The following FAM117A variants were observed in gnomAD, a reference collection of about 807,000 sequenced individuals.
FAM117A encodes family with sequence similarity 117 member A.
In FAM117A, 21 loss-of-function variants were observed where a neutral mutation model predicts 44.1. The ratio of observed to expected loss-of-function variants is 0.48; its 90% CI spans 0.34 to 0.69. FAM117A has a LOEUF of 0.69. FAM117A is among the 30% of genes least tolerant of loss of function. FAM117A has a pLI of 0.01. For missense variants in FAM117A, 498 were observed against 589.9 expected, an observed-to-expected ratio of 0.84 and a Z score of 1.61; for synonymous variants, 220 against 238.3, an observed-to-expected ratio of 0.92 and a Z score of 0.71.
At chr17:49,761,943 T>C (rs1327105170) in intron 1 of FAM117A, among the ~76,000 whole-genome samples, 1 of 152,214 alleles carries the variant, frequency 6.6e-6, no homozygotes, top group Non-Finnish European at 1.5e-5. Flanking sequence ...GGTGGACAAA[T>C]TATTGATCAG....
At chr17:49,731,133 A>T (rs2073582876) in intron 2 of FAM117A, among the ~76,000 whole-genome samples, 1 of 152,256 alleles carries the variant, frequency 6.6e-6, no homozygotes, top group Non-Finnish European at 1.5e-5. Context: ...AACTGACATG[A>T]TGTGGTCAGA....
At chr17:49,735,041 T>C (rs1308632044) in intron 1 of FAM117A, among the ~76,000 whole-genome samples, 2 of 152,164 alleles carry the variant, frequency 1.3e-5, no homozygotes, top group Non-Finnish European at 2.9e-5. Flanking sequence ...GTTTAATGGA[T>C]ACACAGTCTC....
chr17:49,728,321 A>T (rs1385535206), intron 2 of FAM117A, among the ~76,000 whole-genome samples: 1 of 152,138 alleles, frequency 6.6e-6, no homozygotes. Context: ...GGTAGGGGAA[A>T]GACACAGGAA....
At chr17:49,768,950 T>C (rs1337736471), upstream of FAM117A, among the ~76,000 whole-genome samples, 2 of 152,214 alleles carry the variant, frequency 1.3e-5, no homozygotes, top group East Asian at 3.8e-4. Flanking sequence ...TTCAGTCTCC[T>C]TTTGCTCTCA....
intron 2 of FAM117A, among the ~76,000 whole-genome samples, chr17:49,725,981 T>C (rs1322906267): frequency 1.3e-5 from 2 of 152,054 alleles, no homozygotes; most frequent in African/African-American, 2.4e-5. Flanking sequence ...CACCAGAAGC[T>C]AGAAGTGCAG....
At chr17:49,727,150 C>T (rs945763172) in intron 2 of FAM117A, among the ~76,000 whole-genome samples, 1 of 152,034 alleles carries the variant, frequency 6.6e-6, no homozygotes, top group African/African-American at 2.4e-5. Flanking sequence ...CCTGTAATCC[C>T]AGCACTTTGG....
Position 49,711,540 on chromosome 17 carries a change from G to A in FAM117A, c.1077C>T (p.Asp359=). 6.2e-7 allele frequency: 1 copy of A among 1,613,972 alleles called. No homozygotes were observed. The highest frequency in any genetic ancestry group is 8.5e-7 in the Non-Finnish European group (1 of 1,180,016). ...VFEEATSPGP[D]LAFLTSCPDK... ...CAGGACAGGAAGTCAGGAAGGCCAG[G>A]TCAGGACCTGGAGACCTGGAGGATG... is the stretch of plus-strand genomic sequence containing the variant. Residue 359 remains aspartate, a synonymous_variant, in exon 8 of 8, where the codon GAC becomes GAT. Transcript: ENST00000240364.
At chr17:49,786,590 A>G (rs2073806559) in intron 1 of FAM117A, among the ~76,000 whole-genome samples, 1 of 152,018 alleles carries the variant, frequency 6.6e-6, no homozygotes, top group African/African-American at 2.4e-5. Context: ...CAACCTGACC[A>G]ACATGGAGAA....
chr17:49,742,484 G>A (rs2073638722), intron 1 of FAM117A, among the ~76,000 whole-genome samples: 1 of 152,220 alleles, frequency 6.6e-6, no homozygotes, highest in African/African-American at 2.4e-5. Flanking sequence ...AGAAGAAAAG[G>A]AAGTGGTGTG....
At chr17:49,721,015 A>T (rs866603609) in intron 3 of FAM117A, among the ~76,000 whole-genome samples, 1 of 152,048 alleles carries the variant, frequency 6.6e-6, no homozygotes, top group African/African-American at 2.4e-5. Flanking sequence ...GTCTGGCCCT[A>T]CCCCTCTATA....
intron 6 of FAM117A, among the ~76,000 whole-genome samples, 164 bp from the exon 7 acceptor site, chr17:49,716,479 G>C (rs541430931): frequency 5.3e-5 from 8 of 152,286 alleles, no homozygotes; most frequent in Admixed American, 4.6e-4. Context: ...AAAAACCTTT[G>C]AGGCAGCTTA....
At chr17:49,766,229 T>C (rs184420113), upstream of FAM117A, among the ~76,000 whole-genome samples, 1 of 152,266 alleles carries the variant, frequency 6.6e-6, no homozygotes, top group East Asian at 1.9e-4. Context: ...TCTCTATGAG[T>C]GTAAAATTTT....
intron 1 of FAM117A, among the ~76,000 whole-genome samples, chr17:49,763,123 TACACACACACACAC>T (rs10603200): frequency 2.1e-4 from 29 of 141,068 alleles, no homozygotes; most frequent in East Asian, 8.5e-4. Context: ...TCCCCCCCGC[TACACACACACACAC>T]ACACACACAC....
chr17:49,776,490 T>C (rs2073775963), intron 1 of FAM117A, among the ~76,000 whole-genome samples: 1 of 152,192 alleles, frequency 6.6e-6, no homozygotes, highest in Admixed American at 6.5e-5. Context: ...TTGTTTATAA[T>C]GCTAAGAAAT....
In FAM117A at chr17:49,764,050, G is replaced by A. The variant is rs771153493; in HGVS notation, c.38C>T (p.Ala13Val). ...GAAAGGRGGG[A>V]WGPGRGGAGG... ...GGCCCCTCCGCGCCCCGGCCCCCAG[G>A]CACCTCCGCCTCTGCCGCCCGCTGC... is the stretch of plus-strand genomic sequence containing the variant. The change falls in exon 1 of 8, where the codon GCC (alanine) becomes GTC (valine). Residue 13 changes from alanine (A) to valine (V), a missense_variant. Ala to Val is a moderately conservative substitution (Grantham distance 64). This residue lies in a region of FAM117A where 270 missense variants were observed against 277.4 expected (regional missense o/e 0.97). Transcript: ENST00000240364. 5.7e-6 allele frequency: 7 copies of A among 1,228,910 alleles called. No individual in the cohort carries two copies. Among genetic ancestry groups the A allele is most frequent in the South Asian group, 3.9e-5 (1 of 25,916 alleles). 76.1% of individuals were successfully genotyped at this position (1,228,910 alleles called of 1,614,324 possible).
intron 1 of FAM117A, among the ~76,000 whole-genome samples, chr17:49,781,861 C>T (rs182124082): frequency 9.3e-4 from 142 of 152,174 alleles, no homozygotes; most frequent in African/African-American, 3.0e-3. Context: ...CCTGTAGTCA[C>T]AGCTACTTGG....
At chr17:49,753,717 G>A (rs929741553) in intron 1 of FAM117A, among the ~76,000 whole-genome samples, 2 of 152,178 alleles carry the variant, frequency 1.3e-5, no homozygotes, top group African/African-American at 4.8e-5. Context: ...CTGGGAGGTG[G>A]AGGTTGCAGT....
chr17:49,767,911 TAAAA>T (rs533542842), upstream of FAM117A, among the ~76,000 whole-genome samples: 1 of 141,836 alleles, frequency 7.1e-6, no homozygotes, highest in Non-Finnish European at 1.6e-5. Context: ...AAAATAATAA[TAAAA>T]AAAAAAAGTA....
At chr17:49,774,392 C>G (rs537347121) in intron 1 of FAM117A, among the ~76,000 whole-genome samples, 28 of 149,654 alleles carry the variant, frequency 1.9e-4, no homozygotes, top group Non-Finnish European at 3.2e-4. Flanking sequence ...CGGAGTCTCG[C>G]TCTGTCATGC....
Sources: allele counts gnomAD v4.1 joint callset (sites outside exome capture counted in the v4.1 genomes callset), GRCh38; gene constraint gnomAD v4.1.1; regional missense constraint gnomAD v4.1.1; transcripts MANE v1.5; gene names NCBI Gene and HGNC (gene_info 2026-07-23, HGNC 2026-07-21).